Variants in CNOT4 observed in about 807,000 individuals in gnomAD.
The protein encoded by CNOT4 is CCR4-NOT transcription complex subunit 4.
In CNOT4, 8 loss-of-function variants were observed where a neutral mutation model predicts 73.8. That is an observed-to-expected ratio of 0.11 (90% CI 0.06 to 0.20). CNOT4 has a LOEUF of 0.20. CNOT4 is among the 10% of genes least tolerant of loss of function. The pLI is 1.00. For missense variants in CNOT4, 564 were observed against 883.4 expected (o/e 0.64, Z 4.58); for synonymous variants, 293 against 321.1 (o/e 0.91, Z 0.94).
rs187757752 is a variant in CNOT4 at position 135,388,885 on chromosome 7, T to G, written c.1627+5033A>C. 29 of 1,612,766 alleles carry G rather than the reference T, an allele frequency of 1.8e-5. No individual in the cohort carries two copies. In the Admixed American group the frequency reaches 3.8e-4, roughly 21 times the overall value. Reference sequence around the variant, plus strand: ...CAGTGGCATGGTCGAAACCTTCACCTCTTCTTCCCCTGTGGAAAAGTCAGT... The same window carrying G: ...CAGTGGCATGGTCGAAACCTTCACCGCTTCTTCCCCTGTGGAAAAGTCAGT... On this transcript the variant is annotated intron_variant, in intron 10 of 11. Coordinates refer to ENST00000541284, the MANE Select transcript of CNOT4 (RefSeq NM_001190850.2).
At chr7:135,481,652 T>C (rs1802387274) in intron 1 of CNOT4, among the ~76,000 whole-genome samples, 1 of 152,226 alleles carries the variant, frequency 6.6e-6, no homozygotes, top group Non-Finnish European at 1.5e-5. Context: ...CATGTGTTTA[T>C]TGCAGCACTA....
intron 1 of CNOT4, among the ~76,000 whole-genome samples, chr7:135,468,083 G>A (rs1483707917): frequency 6.6e-6 from 1 of 152,036 alleles, no homozygotes. Flanking sequence ...AGGCTTGGTG[G>A]CAGGCGCCTG....
intron 1 of CNOT4, among the ~76,000 whole-genome samples, chr7:135,452,153 C>T (rs983414810): frequency 3.9e-5 from 6 of 152,004 alleles, no homozygotes; most frequent in East Asian, 1.9e-4. Context: ...GCAGAAGGAT[C>T]GCTTGAGCCC....
chr7:135,496,727 A>T (rs951406185), intron 1 of CNOT4, among the ~76,000 whole-genome samples: 10 of 151,188 alleles, frequency 6.6e-5, no homozygotes, highest in Non-Finnish European at 1.2e-4. Context: ...TACCTCTCCT[A>T]CTGTTCTTAT....
chr7:135,466,696 T>C (rs1037826831), intron 1 of CNOT4, among the ~76,000 whole-genome samples: 3 of 152,160 alleles, frequency 2.0e-5, no homozygotes, highest in African/African-American at 7.2e-5. Context: ...CCATTCATGG[T>C]GAATGCCCTA....
intron 1 of CNOT4, among the ~76,000 whole-genome samples, chr7:135,452,821 T>A (rs1328723846): frequency 6.6e-6 from 1 of 152,192 alleles, no homozygotes; most frequent in South Asian, 2.1e-4. Context: ...ATCAATTTAA[T>A]GCTCAGGAGG....
intron 3 of CNOT4, among the ~76,000 whole-genome samples, chr7:135,420,248 C>T (rs1437778221): frequency 6.6e-6 from 1 of 151,854 alleles, no homozygotes; most frequent in Non-Finnish European, 1.5e-5. Context: ...ATAAAAGTTC[C>T]ATTCATTTAC....
chr7:135,480,739 C>T (rs188960659), intron 1 of CNOT4, among the ~76,000 whole-genome samples: 2 of 152,188 alleles, frequency 1.3e-5, no homozygotes, highest in East Asian at 3.9e-4. Flanking sequence ...TGGCTATAAG[C>T]TTAATATACA....
intron 1 of CNOT4, among the ~76,000 whole-genome samples, chr7:135,445,503 G>A (rs1799771964): frequency 6.6e-6 from 1 of 152,166 alleles, no homozygotes; most frequent in Non-Finnish European, 1.5e-5. Flanking sequence ...AATGCTTGGA[G>A]TGCTTCTGAA....
intron 1 of CNOT4, among the ~76,000 whole-genome samples, chr7:135,455,100 G>C (rs187233722): frequency 2.0e-5 from 3 of 151,910 alleles, no homozygotes; most frequent in East Asian, 1.9e-4. Context: ...AAAAGGACAG[G>C]ACAGGACAGG....
chr7:135,402,919 TA>T (rs1563028177), intron 7 of CNOT4, among the ~76,000 whole-genome samples: 1 of 152,112 alleles, frequency 6.6e-6, no homozygotes, highest in Non-Finnish European at 1.5e-5. Context: ...ATGATTACTT[TA>T]AAAAAATTTG....
intron 7 of CNOT4, among the ~76,000 whole-genome samples, chr7:135,410,188 C>A (rs1289630504): frequency 2.6e-5 from 4 of 152,078 alleles, no homozygotes. Flanking sequence ...CAAGGGGGAC[C>A]TCAATTAGGT....
chr7:135,363,177 G>T lies in CNOT4; in HGVS notation c.1850C>A (p.Ala617Glu). The T allele has an allele frequency of 1.9e-6, 3 of 1,613,128 alleles. No homozygotes were observed. The highest frequency in any genetic ancestry group is 1.1e-5 in the South Asian group (1 of 91,066). ...TDPAIITGIP[A>E]SSGNSLDSLQ... ...AGAGTCTAAACTGTTTCCTGAAGAC[G>T]CTGGAATACCTAAGGAGAGAAAAGA... Residue 617 changes from alanine (A) to glutamate (E), a missense_variant, in exon 12 of 12, where the codon GCG becomes GAG. Transcript: ENST00000541284. This position sits in a 1 kb window ranked among gnomAD's most constrained non-coding sequence, Gnocchi z 4.3.
At chr7:135,473,557 G>C (rs951915076) in intron 1 of CNOT4, among the ~76,000 whole-genome samples, 1 of 152,090 alleles carries the variant, frequency 6.6e-6, no homozygotes, top group African/African-American at 2.4e-5. Context: ...GACCTGCCTG[G>C]GCAACATGGC....
intron 7 of CNOT4, among the ~76,000 whole-genome samples, chr7:135,401,815 A>G (rs922927055): frequency 3.9e-5 from 6 of 152,206 alleles, no homozygotes; most frequent in African/African-American, 1.2e-4. Context: ...CTACACCTGT[A>G]CTTCACTCAT....
chr7:135,368,435 C>T (rs1795024574), intron 10 of CNOT4, among the ~76,000 whole-genome samples: 1 of 152,082 alleles, frequency 6.6e-6, no homozygotes, highest in African/African-American at 2.4e-5. Flanking sequence ...TAAACCATGA[C>T]CTCTGTTTTC....
chr7:135,392,344 T>C (rs1401638569), intron 10 of CNOT4, among the ~76,000 whole-genome samples: 1 of 152,128 alleles, frequency 6.6e-6, no homozygotes, highest in Admixed American at 6.6e-5. Context: ...GATGGGCAAA[T>C]AGAAACCCTC....
At chr7:135,413,652 T>C (rs752155321) in intron 5 of CNOT4, 39 bp from the exon 6 acceptor site, 6 of 1,592,418 alleles carry the variant, frequency 3.8e-6, no homozygotes, top group Admixed American at 3.5e-5. Flanking sequence ...GAAGACTCAA[T>C]GTGAACTGAC....
intron 1 of CNOT4, among the ~76,000 whole-genome samples, chr7:135,472,914 G>A (rs1329597476): frequency 6.6e-6 from 1 of 151,900 alleles, no homozygotes; most frequent in African/African-American, 2.4e-5. Context: ...GGTGGCATAT[G>A]CCTACAGTCC....
Sources: gnomAD v4.1 joint callset for allele counts (sites outside exome capture counted in the v4.1 genomes callset) on GRCh38, gnomAD v4.1.1 for gene constraint, Gnocchi (gnomAD v3.1) non-coding constraint, MANE v1.5 for transcripts, NCBI Gene and HGNC (gene_info 2026-07-23, HGNC 2026-07-21) for gene names.